The following MARS1 variants were observed in gnomAD, a reference collection of about 807,000 sequenced individuals.
MARS1 encodes methionyl-tRNA synthetase 1, also known as methionine--tRNA ligase, cytoplasmic.
MARS1 carries 80 observed loss-of-function variants against 119.5 expected under a neutral mutation model. The observed-to-expected ratio is 0.67, with a 90% CI of 0.56 to 0.81. The LOEUF is 0.81. Ranked by LOEUF, MARS1 falls within the 30% of genes least tolerant of loss-of-function variation. The pLI is 0.00. For synonymous variants in MARS1, 418 were observed against 433.4 expected, an observed-to-expected ratio of 0.96 and a Z score of 0.44; for missense variants, 945 against 1,116.5, an observed-to-expected ratio of 0.85 and a Z score of 2.19.
At position 57,514,994 on chromosome 12, in the gene MARS1, C is replaced by A; in HGVS notation, c.2140C>A (p.His714Asn). The change falls in exon 17 of 21, where the codon CAT (histidine) becomes AAT (asparagine). Residue 714 changes from histidine (H) to asparagine (N), a missense_variant. His to Asn is a moderately conservative substitution (Grantham distance 68, BLOSUM62 1). Coordinates refer to ENST00000262027, the MANE Select transcript of MARS1 (RefSeq NM_004990.4). ...ALRSILTISR[H>N]GNQYIQVNEP... ...GCGCAGTATCCTCACCATATCTCGA[C>A]ATGGCAACCAATATATTCAGGTGAA... is the stretch of plus-strand genomic sequence containing the variant. 6.2e-7 allele frequency: 1 copy of A among 1,614,196 alleles called. No individual in the cohort carries two copies. Among genetic ancestry groups the A allele is most frequent in the South Asian group, 1.1e-5 (1 of 91,086 alleles).
Position 57,490,202 on chromosome 12 carries a change from C to T in MARS1, c.491-5C>T. 1 of 1,610,270 alleles carries T rather than the reference C, an allele frequency of 6.2e-7. No homozygotes were observed. Among genetic ancestry groups the T allele is most frequent in the Non-Finnish European group, 8.5e-7 (1 of 1,178,558 alleles). ...TGCTGATTTTCTTTTCTTCCATACCCACAGAGGAGCTGAGTGCCCTGCACA... is the reference window on the plus strand; with the variant it reads ...TGCTGATTTTCTTTTCTTCCATACCTACAGAGGAGCTGAGTGCCCTGCACA... On this transcript the variant is annotated splice_region_variant and splice_polypyrimidine_tract_variant and intron_variant, in intron 5 of 20. Transcript: ENST00000262027.
chr12:57,496,937 A>G (rs73344088), intron 7 of MARS1, among the ~76,000 whole-genome samples: 13,264 of 152,164 alleles, frequency 0.087, 1,880 homozygotes, highest in African/African-American at 0.3. Flanking sequence ...CTCCTTTGAC[A>G]CTTTGCACCT....
Position 57,508,396 on chromosome 12 carries a change from C to T in MARS1, c.1369-3302C>T, listed in dbSNP as rs377442047. Among the ~76,000 whole-genome samples, 5 of 152,362 alleles carry T rather than the reference C, an allele frequency of 3.3e-5. No homozygotes were observed. The South Asian group carries it at 6.2e-4, about 19-fold the overall frequency. The stretch of plus-strand genomic sequence containing the variant: ...ATTGAGCACTGAGTGAACGAGACTC[C>T]GTCTGCAATCCCGGCACCTCGGGAG... On this transcript the variant is annotated intron_variant, in intron 11 of 20. Transcript: ENST00000262027.
At position 57,498,619 on chromosome 12, in the gene MARS1, A is replaced by T; in HGVS notation, c.1087A>T (p.Thr363Ser). ...IFGRTTTPQQ[T>S]KITQDIFQQL... is the part of the protein sequence containing the mutation. ...TGGTCGCACCACCACTCCACAGCAGACCAAGTAAGTTTCCTCTAATGAGGC... is the reference window on the plus strand; with the variant it reads ...TGGTCGCACCACCACTCCACAGCAGTCCAAGTAAGTTTCCTCTAATGAGGC... The change falls in exon 9 of 21, where the codon ACC becomes TCC. Residue 363 changes from threonine to serine, a missense_variant. Coordinates refer to ENST00000262027, the MANE Select transcript of MARS1 (RefSeq NM_004990.4). 2 of 1,614,026 alleles carry T rather than the reference A, an allele frequency of 1.2e-6. No homozygotes were observed. Among genetic ancestry groups the T allele is most frequent in the Non-Finnish European group, 1.7e-6 (2 of 1,179,930 alleles).
At chr12:57,499,528 C>T (rs1161674471) in intron 9 of MARS1, among the ~76,000 whole-genome samples, 13 of 149,366 alleles carry the variant, frequency 8.7e-5, no homozygotes, top group South Asian at 4.2e-4. Context: ...GGCATGAACC[C>T]GGGAGGCAGA....
intron 7 of MARS1, among the ~76,000 whole-genome samples, chr12:57,494,494 AT>A (rs59160934): frequency 0.04 from 3,777 of 95,506 alleles, 64 homozygotes; most frequent in Non-Finnish European, 0.065. Flanking sequence ...CGCCTGGCTA[AT>A]TTTTTTTTTT....
In MARS1 at chr12:57,490,205, AGAG is replaced by A; in HGVS notation, c.493_495del (p.Glu165del). ...TGATTTTCTTTTCTTCCATACCCAC[AGAG>A]GAGCTGAGTGCCCTGCACAGCTGGT... On this transcript the variant is annotated splice_acceptor_variant and coding_sequence_variant, in exon 6 of 21. Coordinates refer to ENST00000262027, the MANE Select transcript of MARS1 (RefSeq NM_004990.4). LOFTEE classifies it high-confidence loss of function. The A allele has an allele frequency of 4.3e-6, 7 of 1,610,914 alleles. No individual in the cohort carries two copies. Among genetic ancestry groups the A allele is most frequent in the Non-Finnish European group, 5.9e-6 (7 of 1,178,838 alleles).
rs56354627 is a variant in MARS1 at position 57,498,322 on chromosome 12, C to G, written c.887+49C>G. Reference sequence around the variant, plus strand: ...GACCTCCTAAGGGAAGGGCGGGTCCCAGGGGAATAGGATGCTTCAAGGGTG... The same window carrying G: ...GACCTCCTAAGGGAAGGGCGGGTCCGAGGGGAATAGGATGCTTCAAGGGTG... On this transcript the variant is annotated intron_variant, in intron 8 of 20. Transcript: ENST00000262027. 14,057 of 1,599,370 alleles carry G rather than the reference C, an allele frequency of 8.8e-3. 77 individuals carry two copies. The highest frequency in any genetic ancestry group is 0.011 in the Non-Finnish European group (12,475 of 1,166,874).
At chr12:57,497,127 T>C (rs1391116655) in intron 7 of MARS1, among the ~76,000 whole-genome samples, 1 of 151,636 alleles carries the variant, frequency 6.6e-6, no homozygotes, top group Non-Finnish European at 1.5e-5. Context: ...GGTTAGGGGG[T>C]TGGGATACAA....
intron 7 of MARS1, among the ~76,000 whole-genome samples, chr12:57,493,479 TATAATATATAATATA>T: frequency 5.3e-4 from 1 of 1,870 alleles, no homozygotes; most frequent in South Asian, 0.083. Context: ...ATATATAATA[TATAATATATAATATA>T]TTATAATATA....
rs2139999662 is a variant in MARS1, at chr12:57,490,362, G to A, written c.646G>A (p.Val216Ile). The A allele has an allele frequency of 1.2e-6, 2 of 1,612,614 alleles. No homozygotes were observed. The highest frequency in any genetic ancestry group is 1.7e-6 in the Non-Finnish European group (2 of 1,179,976). The change falls in exon 6 of 21, where the codon GTC (valine) becomes ATC (isoleucine). Residue 216 changes from valine (V) to isoleucine (I), a missense_variant. By Grantham distance (29) the Val-to-Ile change is conservative. Coordinates refer to ENST00000262027, the MANE Select transcript of MARS1 (RefSeq NM_004990.4). ...PQPSPAEGRA[V>I]TNEPEEEELA... ...GCCCAGCCCCGCTGAGGGAAGGGCTGTCACCAATGAGCCTGAGGTTTGGAA... is the reference window on the plus strand; with the variant it reads ...GCCCAGCCCCGCTGAGGGAAGGGCTATCACCAATGAGCCTGAGGTTTGGAA...
At chr12:57,514,499 A>C (rs1481083938) in intron 15 of MARS1, among the ~76,000 whole-genome samples, 1 of 152,150 alleles carries the variant, frequency 6.6e-6, no homozygotes, top group Non-Finnish European at 1.5e-5. Context: ...ACAGTTGTTT[A>C]ACTTAATCAG....
In MARS1 at chr12:57,489,981, G is replaced by C; in HGVS notation, c.490+10G>C. 1 of 1,612,774 alleles carries C rather than the reference G, an allele frequency of 6.2e-7. No individual in the cohort carries two copies. Among genetic ancestry groups the C allele is most frequent in the Non-Finnish European group, 8.5e-7 (1 of 1,178,788 alleles). On this transcript the variant is annotated intron_variant, in intron 5 of 20. Transcript: ENST00000262027. ...CCCGCCTACCTCCCTGGTGAGAACT[G>C]TGCATATCACTCCAACCCTAGGAGC... is the stretch of plus-strand genomic sequence containing the variant.
At chr12:57,507,989 C>T (rs1439399911) in intron 11 of MARS1, among the ~76,000 whole-genome samples, 19 of 151,308 alleles carry the variant, frequency 1.3e-4, no homozygotes, top group Non-Finnish European at 2.5e-4. Context: ...TCAGACGCGG[C>T]GGCCGGGCAG....
chr12:57,497,165 A>G (rs1318646885), intron 7 of MARS1, among the ~76,000 whole-genome samples: 1 of 152,230 alleles, frequency 6.6e-6, no homozygotes. Flanking sequence ...GATGGCCATC[A>G]GTGAAGGAAG....
chr12:57,512,250 G>T lies in MARS1; in HGVS notation c.1650G>T (p.Gln550His). The T allele has an allele frequency of 6.2e-7, 1 of 1,614,052 alleles. No homozygotes were observed. The highest frequency in any genetic ancestry group is 8.5e-7 in the Non-Finnish European group (1 of 1,179,914). The change falls in exon 14 of 21, where the codon CAG (glutamine) becomes CAT (histidine). Residue 550 changes from glutamine (Q) to histidine (H), a missense_variant. Transcript: ENST00000262027. ...WKNPEQVDLYQFMAKDNVPFH... is the reference protein window; with the variant it reads ...WKNPEQVDLYHFMAKDNVPFH... ...CATTCCCCTAGGTGGACCTGTATCA[G>T]TTCATGGCCAAAGACAATGTTCCTT...
chr12:57,513,733 T>C (rs1033921394), intron 15 of MARS1, among the ~76,000 whole-genome samples: 16 of 152,064 alleles, frequency 1.1e-4, no homozygotes, highest in Non-Finnish European at 1.9e-4. Flanking sequence ...TAAAGCAGTA[T>C]TCTCCAGAAT....
chr12:57,490,623 T>C lies in MARS1; in HGVS notation c.749T>C (p.Leu250Pro), dbSNP rs139033078. 21 of 1,613,958 alleles carry C rather than the reference T, an allele frequency of 1.3e-5. No homozygotes were observed. The highest frequency in any genetic ancestry group is 4.2e-6 in the Non-Finnish European group (5 of 1,180,010). The change falls in exon 7 of 21, where the codon CTG becomes CCG. Residue 250 changes from leucine (L) to proline (P), a missense_variant. By Grantham distance (98) the Leu-to-Pro change is moderately conservative. Transcript: ENST00000262027. ...WEKGLESLPP[L>P]RPQQNPVLPV... Reference sequence around the variant, plus strand: ...AAGGGCCTAGAAAGTTTGCCCCCGCTGCGGCCCCAGCAGAATCCAGTGTGA... The same window carrying C: ...AAGGGCCTAGAAAGTTTGCCCCCGCCGCGGCCCCAGCAGAATCCAGTGTGA...
At chr12:57,497,154 A>C (rs745328078) in intron 7 of MARS1, among the ~76,000 whole-genome samples, 1 of 152,210 alleles carries the variant, frequency 6.6e-6, no homozygotes, top group Non-Finnish European at 1.5e-5. Context: ...CTGTGTGGGA[A>C]GATGGCCATC....
Sources: gnomAD v4.1 joint callset for allele counts (sites outside exome capture counted in the v4.1 genomes callset) on GRCh38, gnomAD v4.1.1 for gene constraint, MANE v1.5 for transcripts, NCBI Gene and HGNC (gene_info 2026-07-23, HGNC 2026-07-21) for gene names.